Variants in CPNE5 observed in about 807,000 individuals in gnomAD.
The protein encoded by CPNE5 is copine-5.
CPNE5 carries 42 observed loss-of-function variants against 81.1 expected under a neutral mutation model. That is an observed-to-expected ratio of 0.52 (90% CI 0.40 to 0.67). CPNE5 has a LOEUF of 0.67. Among genes scored for constraint, CPNE5 ranks in the 30% least tolerant of loss-of-function variants. CPNE5 has a pLI of 0.00. For missense variants in CPNE5, 612 were observed against 815.5 expected (o/e 0.75, Z 3.04); for synonymous variants, 313 against 321.5 (o/e 0.97, Z 0.28).
At chr6:36,778,366 TG>T (rs1562127135) in intron 9 of CPNE5, among the ~76,000 whole-genome samples, 1 of 152,068 alleles carries the variant, frequency 6.6e-6, no homozygotes, top group Non-Finnish European at 1.5e-5. Context: ...TGGCAGAGTG[TG>T]GGGCCGGGCA....
chr6:36,810,072 G>A (rs74347135), intron 3 of CPNE5, among the ~76,000 whole-genome samples: 3,431 of 152,070 alleles, frequency 0.023, 57 homozygotes, highest in African/African-American at 0.045. Context: ...AGGAAGGGCC[G>A]GGACTCTCAG....
chr6:36,779,404 A>G (rs1767824517), intron 8 of CPNE5, among the ~76,000 whole-genome samples: 1 of 152,222 alleles, frequency 6.6e-6, no homozygotes, highest in Non-Finnish European at 1.5e-5. Context: ...TGGCTCGGAA[A>G]GGTGACATAG....
chr6:36,809,448 C>T (rs898158888), intron 3 of CPNE5, among the ~76,000 whole-genome samples: 5 of 152,032 alleles, frequency 3.3e-5, no homozygotes, highest in East Asian at 1.9e-4. Context: ...TGGAAGCACA[C>T]GTCTGTAGTC....
chr6:36,765,097 C>T (rs1195169826), intron 11 of CPNE5, among the ~76,000 whole-genome samples: 1 of 152,166 alleles, frequency 6.6e-6, no homozygotes, highest in African/African-American at 2.4e-5. Context: ...CTCTTATGCC[C>T]CTCACACCAT....
intron 10 of CPNE5, among the ~76,000 whole-genome samples, chr6:36,767,084 G>A (rs1192413703): frequency 6.6e-6 from 1 of 152,198 alleles, no homozygotes; most frequent in Non-Finnish European, 1.5e-5. Context: ...TCGAACTCCT[G>A]ACCTCAAGTG....
At chr6:36,818,551 G>A (rs2150578248) in intron 3 of CPNE5, among the ~76,000 whole-genome samples, 1 of 152,264 alleles carries the variant, frequency 6.6e-6, no homozygotes, top group Non-Finnish European at 1.5e-5. Context: ...ACTAAGCACT[G>A]ACCATGCACC....
chr6:36,774,884 A>C, intron 10 of CPNE5, 77 bp downstream of exon 10: 1 of 1,126,200 alleles, frequency 8.9e-7, no homozygotes, highest in Admixed American at 1.9e-5. Flanking sequence ...CGTCAATATG[A>C]ATGGGGCCAC....
chr6:36,760,565 T>C (rs1051860244), intron 12 of CPNE5, among the ~76,000 whole-genome samples: 11 of 152,052 alleles, frequency 7.2e-5, no homozygotes, highest in Non-Finnish European at 1.3e-4. Flanking sequence ...AGGGGAACGA[T>C]GTCAGAAAAC....
chr6:36,792,238 G>C, intron 7 of CPNE5, 142 bp from the exon 8 acceptor site: 1 of 1,257,096 alleles, frequency 8.0e-7, no homozygotes, highest in Non-Finnish European at 1.1e-6. Context: ...AGAAGACAGA[G>C]TCTCCTGAGA....
intron 3 of CPNE5, among the ~76,000 whole-genome samples, chr6:36,816,269 G>A (rs972483318): frequency 3.3e-5 from 5 of 152,242 alleles, no homozygotes; most frequent in Non-Finnish European, 5.9e-5. Flanking sequence ...GGCAGGACTT[G>A]ATGCAAACAG....
chr6:36,803,554 T>C (rs1266622824), intron 3 of CPNE5, among the ~76,000 whole-genome samples: 1 of 152,212 alleles, frequency 6.6e-6, no homozygotes, highest in Non-Finnish European at 1.5e-5. Flanking sequence ...ATTGAACACA[T>C]GCAATGCACC....
chr6:36,806,602 A>G (rs1040638273), intron 3 of CPNE5, among the ~76,000 whole-genome samples: 3 of 152,150 alleles, frequency 2.0e-5, no homozygotes, highest in Admixed American at 1.3e-4. Context: ...TCTCTTCATT[A>G]AAATCTCTCC....
At chr6:36,758,822 AG>A (rs1220267249) in intron 12 of CPNE5, among the ~76,000 whole-genome samples, 1 of 152,188 alleles carries the variant, frequency 6.6e-6, no homozygotes, top group Non-Finnish European at 1.5e-5. Flanking sequence ...CTGTGCAGGT[AG>A]AAACTGAGGG....
At position 36,834,647 on chromosome 6, in the gene CPNE5, C is replaced by A. The variant is rs1773304567; in HGVS notation, c.95+4636G>T. On this transcript the variant is annotated intron_variant, in intron 1 of 20. Coordinates refer to ENST00000244751, the MANE Select transcript of CPNE5 (RefSeq NM_020939.2). ...CTCTACCCTGGATGACAGAACGAGACTCCATCTCAAAAAAAAAAAAAAAGT... is the reference window on the plus strand; with the variant it reads ...CTCTACCCTGGATGACAGAACGAGAATCCATCTCAAAAAAAAAAAAAAAGT... Among the ~76,000 whole-genome samples the A allele has an allele frequency of 2.7e-5, 4 of 149,180 alleles. No individual in the cohort carries two copies. The South Asian group carries it at 8.5e-4, about 32-fold the overall frequency.
In CPNE5 at chr6:36,742,158, A is replaced by G. The variant is rs1201008556; in HGVS notation, c.*110T>C. On this transcript the variant is annotated 3_prime_UTR_variant, in exon 21 of 21. Coordinates refer to ENST00000244751, the MANE Select transcript of CPNE5 (RefSeq NM_020939.2). ...CCCACCCCCTGGCAGCCTCCCAGGC[A>G]CACAGATGTCCCAAAGGCCGGGCAG... is the stretch of plus-strand genomic sequence containing the variant. The G allele has an allele frequency of 6.2e-6, 5 of 801,266 alleles. No homozygotes were observed. Among genetic ancestry groups the G allele is most frequent in the East Asian group, 2.7e-5 (1 of 37,132 alleles). 49.6% of individuals were successfully genotyped at this position (801,266 alleles called of 1,614,324 possible).
rs1164635384 is a variant in CPNE5 at position 36,823,057 on chromosome 6, C to T, written c.136+1G>A. ...GTTCTTATTGTCAGAGCAGGACTTA[C>T]GTGGGTCGGACTTGGAAAACATGTC... On this transcript the variant is annotated splice_donor_variant, in intron 2 of 20. Coordinates refer to ENST00000244751, the MANE Select transcript of CPNE5 (RefSeq NM_020939.2). LOFTEE classifies it high-confidence loss of function. The T allele has an allele frequency of 1.3e-6, 2 of 1,574,168 alleles. No homozygotes were observed. The highest frequency in any genetic ancestry group is 1.7e-6 in the Non-Finnish European group (2 of 1,158,510).
At chr6:36,785,812 A>G (rs1274723955) in intron 8 of CPNE5, among the ~76,000 whole-genome samples, 1 of 152,154 alleles carries the variant, frequency 6.6e-6, no homozygotes, top group Non-Finnish European at 1.5e-5. Context: ...CAGGAGTTCA[A>G]AATCAGCCTG....
intron 15 of CPNE5, among the ~76,000 whole-genome samples, chr6:36,747,386 A>G (rs1764298303): frequency 1.3e-5 from 2 of 152,190 alleles, no homozygotes; most frequent in African/African-American, 4.8e-5. Context: ...ATCTTGGGTA[A>G]GTTCCTTAAC....
intron 13 of CPNE5, chr6:36,754,527 C>G (rs1277143053): frequency 6.6e-6 from 1 of 152,234 alleles, no homozygotes; most frequent in Non-Finnish European, 1.5e-5. Flanking sequence ...TCCTGGGCCT[C>G]CTAAAGTGGA....
Sources: allele counts gnomAD v4.1 joint callset (sites outside exome capture counted in the v4.1 genomes callset), GRCh38; gene constraint gnomAD v4.1.1; transcripts MANE v1.5; gene names NCBI Gene and HGNC (gene_info 2026-07-23, HGNC 2026-07-21).